Variants in ZMAT4 observed in about 807,000 individuals in gnomAD.
ZMAT4 encodes zinc finger matrin-type 4.
ZMAT4 carries 17 observed loss-of-function variants against 28.7 expected under a neutral mutation model. The ratio of observed to expected loss-of-function variants is 0.59; its 90% CI spans 0.41 to 0.89. The LOEUF (loss-of-function observed/expected upper bound fraction) is 0.89. Ranked by LOEUF, ZMAT4 falls within the 40% of genes least tolerant of loss-of-function variation. The pLI is 0.00. For synonymous variants in ZMAT4, 117 were observed against 109.2 expected, an observed-to-expected ratio of 1.07 and a Z score of -0.44; for missense variants, 240 against 283.8, an observed-to-expected ratio of 0.85 and a Z score of 1.11.
intron 1 of ZMAT4, among the ~76,000 whole-genome samples, chr8:40,858,786 C>T (rs1007731863): frequency 2.0e-5 from 3 of 152,186 alleles, no homozygotes; most frequent in Non-Finnish European, 4.4e-5. Context: ...CTCTTCTCCA[C>T]CGTGCTCATC....
intron 6 of ZMAT4, among the ~76,000 whole-genome samples, chr8:40,564,407 C>G (rs1051440140): frequency 1.3e-5 from 2 of 152,150 alleles, no homozygotes; most frequent in East Asian, 3.9e-4. Context: ...TTCTCTCCCC[C>G]TGTCAATGAC....
intron 1 of ZMAT4, among the ~76,000 whole-genome samples, chr8:40,859,612 A>C (rs1343855972): frequency 6.6e-6 from 1 of 152,230 alleles, no homozygotes; most frequent in African/African-American, 2.4e-5. Flanking sequence ...GGTAAGAGGC[A>C]GTTTCTCCTC....
intron 1 of ZMAT4, among the ~76,000 whole-genome samples, chr8:40,893,064 A>G (rs553233943): frequency 1.1e-4 from 16 of 152,232 alleles, no homozygotes; most frequent in African/African-American, 2.6e-4. Flanking sequence ...ATTTCTGTCT[A>G]TTTTCTCTAG....
At chr8:40,687,728 C>T (rs746602141) in intron 4 of ZMAT4, among the ~76,000 whole-genome samples, 3 of 152,148 alleles carry the variant, frequency 2.0e-5, no homozygotes, top group Non-Finnish European at 4.4e-5. Flanking sequence ...GAATCCTTCC[C>T]TCACCTTCTC....
intron 3 of ZMAT4, among the ~76,000 whole-genome samples, chr8:40,757,688 A>C (rs770381025): frequency 2.6e-5 from 4 of 152,206 alleles, no homozygotes; most frequent in Non-Finnish European, 5.9e-5. Context: ...TATCCATCAA[A>C]TATCCTTGGA....
chr8:40,647,356 C>T (rs993942655), intron 5 of ZMAT4, among the ~76,000 whole-genome samples: 3 of 152,318 alleles, frequency 2.0e-5, no homozygotes, highest in African/African-American at 4.8e-5. Context: ...CCGAATACTG[C>T]GCTTTTCTGA....
At chr8:40,563,498 G>A (rs1803814858) in intron 6 of ZMAT4, among the ~76,000 whole-genome samples, 2 of 152,068 alleles carry the variant, frequency 1.3e-5, no homozygotes. Context: ...AGCAAAAGTG[G>A]AACATGCTAG....
intron 4 of ZMAT4, among the ~76,000 whole-genome samples, chr8:40,679,240 G>T (rs1296053973): frequency 3.3e-5 from 5 of 152,088 alleles, no homozygotes; most frequent in African/African-American, 1.2e-4. Flanking sequence ...GTTGTCTTGA[G>T]TAATACTATA....
At chr8:40,656,305 A>G (rs545782195) in intron 5 of ZMAT4, among the ~76,000 whole-genome samples, 1 of 152,282 alleles carries the variant, frequency 6.6e-6, no homozygotes, top group South Asian at 2.1e-4. Context: ...AAGTGTTGAC[A>G]AAGATGTATA....
chr8:40,820,020 A>C (rs1463478576), intron 2 of ZMAT4, among the ~76,000 whole-genome samples: 2 of 152,112 alleles, frequency 1.3e-5, no homozygotes, highest in East Asian at 3.9e-4. Context: ...AAGTAACATC[A>C]TTTCATTCAA....
At chr8:40,846,375 C>T (rs1586159302) in intron 1 of ZMAT4, among the ~76,000 whole-genome samples, 1 of 152,180 alleles carries the variant, frequency 6.6e-6, no homozygotes, top group Non-Finnish European at 1.5e-5. Flanking sequence ...AGAGCAAAGG[C>T]GCAGAGCTCA....
chr8:40,538,409 T>G (rs1408502295), intron 6 of ZMAT4, among the ~76,000 whole-genome samples: 1 of 152,204 alleles, frequency 6.6e-6, no homozygotes, highest in Non-Finnish European at 1.5e-5. Context: ...TTGATTGATG[T>G]CTCTTGCCTC....
intron 6 of ZMAT4, among the ~76,000 whole-genome samples, chr8:40,545,702 C>T (rs926099042): frequency 1.3e-5 from 2 of 152,134 alleles, no homozygotes; most frequent in Non-Finnish European, 2.9e-5. Context: ...TCTCTTGCAC[C>T]TTCAGAGGGA....
intron 2 of ZMAT4, among the ~76,000 whole-genome samples, chr8:40,787,362 T>G (rs572810775): frequency 6.6e-6 from 1 of 152,328 alleles, no homozygotes; most frequent in South Asian, 2.1e-4. Flanking sequence ...ATCAATAAAT[T>G]TAATGCCTTT....
chr8:40,740,003 A>G lies in ZMAT4; in HGVS notation c.192+27638T>C, dbSNP rs187732046. ...TCTTTTTATGGCTGTTTAGTATTCCATGGTGTATATGTTGCCACATTTTCT... is the reference window on the plus strand; with the variant it reads ...TCTTTTTATGGCTGTTTAGTATTCCGTGGTGTATATGTTGCCACATTTTCT... On this transcript the variant is annotated intron_variant, in intron 3 of 6. Coordinates refer to ENST00000297737, the MANE Select transcript of ZMAT4 (RefSeq NM_024645.3). Among the ~76,000 whole-genome samples, 718 of 152,232 alleles carry G rather than the reference A, an allele frequency of 4.7e-3. 2 individuals are homozygous for G. Among genetic ancestry groups the G allele is most frequent in the African/African-American group, 0.016 (684 of 41,528 alleles).
chr8:40,677,948 C>T (rs1470346617), intron 4 of ZMAT4, among the ~76,000 whole-genome samples: 1 of 152,106 alleles, frequency 6.6e-6, no homozygotes, highest in African/African-American at 2.4e-5. Context: ...ACTCACCAGG[C>T]TTTAAAAGTT....
chr8:40,726,458 C>A (rs541649690), intron 3 of ZMAT4, among the ~76,000 whole-genome samples: 2 of 152,160 alleles, frequency 1.3e-5, no homozygotes, highest in Admixed American at 6.5e-5. Flanking sequence ...GCCTTTCTGC[C>A]GCCTTACTGC....
chr8:40,871,223 G>A (rs1817843466), intron 1 of ZMAT4, among the ~76,000 whole-genome samples: 1 of 152,114 alleles, frequency 6.6e-6, no homozygotes. Context: ...GCTTAAATAT[G>A]CTACAGAGCA....
rs555486397 is a variant in ZMAT4, at chr8:40,653,092, TAAA to T, written c.577+21609_577+21611del. Among the ~76,000 whole-genome samples the T allele has an allele frequency of 2.9e-3, 439 of 151,500 alleles. 4 individuals are homozygous for T. The highest frequency in any genetic ancestry group is 0.01 in the African/African-American group (414 of 41,324). ...AAAACTTAAAGTATAATAATAATAA[TAAA>T]AAAGAAATTTGAGAAATCCAAAAAT... On this transcript the variant is annotated intron_variant, in intron 5 of 6. Coordinates refer to ENST00000297737, the MANE Select transcript of ZMAT4 (RefSeq NM_024645.3).
Sources: allele counts gnomAD v4.1 joint callset (sites outside exome capture counted in the v4.1 genomes callset), GRCh38; gene constraint gnomAD v4.1.1; transcripts MANE v1.5; gene names NCBI Gene and HGNC (gene_info 2026-07-23, HGNC 2026-07-21).